B4GALNT2: variants seen among roughly 807,000 people sequenced by gnomAD.
The protein encoded by B4GALNT2 is N-acetylneuraminylgalactosylglucosyl-glucoside beta-1,4-N- acetylgalactosaminyltransferase 2.
Under a neutral mutation model 51.1 loss-of-function variants are expected in B4GALNT2, and 42 were observed. The ratio of observed to expected loss-of-function variants is 0.82; its 90% CI spans 0.64 to 1.06. The LOEUF (loss-of-function observed/expected upper bound fraction) is 1.06, where lower values mean the gene tolerates loss of function less well. Ranked by LOEUF, B4GALNT2 falls within the 50% of genes least tolerant of loss-of-function variation. The pLI, the probability that B4GALNT2 is intolerant of heterozygous loss-of-function variation, is 0.00. For missense variants in B4GALNT2, 602 were observed against 633.6 expected (o/e 0.95, Z 0.54); for synonymous variants, 253 against 251.7 (o/e 1.01, Z -0.05).
chr17:49,158,530 C>G (rs1217735243), intron 5 of B4GALNT2, among the ~76,000 whole-genome samples: 2 of 151,268 alleles, frequency 1.3e-5, no homozygotes, highest in Non-Finnish European at 2.9e-5. Context: ...CCCAGCTACT[C>G]AGGAGGCTGA....
intron 3 of B4GALNT2, among the ~76,000 whole-genome samples, chr17:49,149,694 T>C (rs1160468860): frequency 6.6e-6 from 1 of 152,208 alleles, no homozygotes; most frequent in Non-Finnish European, 1.5e-5. Context: ...TTTCAAACAA[T>C]GCTGAAATGA....
rs982081861 is a variant in B4GALNT2 at position 49,166,049 on chromosome 17, A to G, written c.955-65A>G. 7 of 1,532,828 alleles carry G rather than the reference A, an allele frequency of 4.6e-6. No individual in the cohort carries two copies. The African/African-American group carries it at 5.5e-5, about 12-fold the overall frequency. 95.0% of individuals were successfully genotyped at this position (1,532,828 alleles called of 1,614,324 possible). ...CAGCCTGGCTGTTGGGAATTTAGAA[A>G]GCTCCCCAGGTGATTCTAATATGTA... On this transcript the variant is annotated intron_variant, in intron 8 of 10. Transcript: ENST00000393354.
At chr17:49,158,352 G>A (rs566563755) in intron 5 of B4GALNT2, among the ~76,000 whole-genome samples, 2 of 152,156 alleles carry the variant, frequency 1.3e-5, no homozygotes, top group African/African-American at 4.8e-5. Flanking sequence ...GCAAAAGAAC[G>A]GGTTTTAAAC....
chr17:49,124,865 A>G, the B4GALNT2 span, among the ~76,000 whole-genome samples: 5 of 152,208 alleles, frequency 3.3e-5, no homozygotes, highest in East Asian at 1.9e-4. Context: ...TTAATGCTCA[A>G]TTTACAGAAA....
At chr17:49,158,636 C>CA (rs770885158) in intron 5 of B4GALNT2, among the ~76,000 whole-genome samples, 37,966 of 73,770 alleles carry the variant, frequency 0.51, 9,459 homozygotes, top group East Asian at 0.8. Flanking sequence ...GACTCCATCT[C>CA]AAAAAAAAAA....
rs558393827 is a variant in B4GALNT2 at position 49,171,322 on chromosome 17, A to C, written c.*1594A>C. The C allele has an allele frequency of 2.6e-6, 1 of 386,914 alleles. No homozygotes were observed. Among genetic ancestry groups the C allele is most frequent in the African/African-American group, 2.2e-5 (1 of 45,998 alleles). 24.0% of individuals were successfully genotyped at this position (386,914 alleles called of 1,614,324 possible). A position where few individuals can be genotyped will look rare whatever the true frequency, so the allele number is the denominator to read the frequency against. On this transcript the variant is annotated 3_prime_UTR_variant, in exon 11 of 11. Transcript: ENST00000393354. ...ACAGAGCTTCCAAGTGTCTTTATCCACTTTAATGGGTTAATATCTGCTAAT... is the reference window on the plus strand; with the variant it reads ...ACAGAGCTTCCAAGTGTCTTTATCCCCTTTAATGGGTTAATATCTGCTAAT...
chr17:49,169,802 C>T lies in B4GALNT2; in HGVS notation c.*74C>T. ...ATAGCAGGCCACCAAAAACTGGACT[C>T]CTGATAGGTGAACGTTGTACCAAAC... On this transcript the variant is annotated 3_prime_UTR_variant, in exon 11 of 11. Coordinates refer to ENST00000393354, the MANE Select transcript of B4GALNT2 (RefSeq NM_001159387.2). 8 of 1,367,168 alleles carry T rather than the reference C, an allele frequency of 5.9e-6. No homozygotes were observed. Among genetic ancestry groups the T allele is most frequent in the Non-Finnish European group, 7.8e-6 (8 of 1,021,142 alleles). 84.7% of individuals were successfully genotyped at this position (1,367,168 alleles called of 1,614,324 possible).
intron 3 of B4GALNT2, among the ~76,000 whole-genome samples, chr17:49,144,253 A>G (rs2042671698): frequency 1.3e-5 from 2 of 152,140 alleles, no homozygotes; most frequent in Non-Finnish European, 2.9e-5. Context: ...CCTCCAAACA[A>G]CATATGAATT....
chr17:49,129,804 C>T (rs559546443), upstream of B4GALNT2, among the ~76,000 whole-genome samples: 94 of 152,154 alleles, frequency 6.2e-4, no homozygotes, highest in African/African-American at 2.2e-3. Flanking sequence ...AGGGATTTAT[C>T]TTATGGTTGG....
intron 3 of B4GALNT2, among the ~76,000 whole-genome samples, chr17:49,150,719 C>G (rs867168737): frequency 6.6e-6 from 1 of 150,740 alleles, no homozygotes; most frequent in Admixed American, 6.6e-5. Flanking sequence ...AGATGCTTGA[C>G]GGCAGCATGC....
chr17:49,123,948 A>G, the B4GALNT2 span, among the ~76,000 whole-genome samples: 1 of 152,236 alleles, frequency 6.6e-6, no homozygotes, highest in Non-Finnish European at 1.5e-5. Context: ...GTTACAAAAG[A>G]AAACAGATTC....
chr17:49,167,608 C>CTTTTTT (rs34497598), intron 9 of B4GALNT2, among the ~76,000 whole-genome samples: 1 of 115,068 alleles, frequency 8.7e-6, no homozygotes, highest in African/African-American at 3.5e-5. Context: ...CTCACCTACT[C>CTTTTTT]TTTTTTTTTT....
At chr17:49,121,244 T>G in the B4GALNT2 span, among the ~76,000 whole-genome samples, 1 of 152,102 alleles carries the variant, frequency 6.6e-6, no homozygotes, top group Non-Finnish European at 1.5e-5. Flanking sequence ...TAAGACATGG[T>G]CTCATTTCTC....
rs200075916 is a variant in B4GALNT2, at chr17:49,166,197, C to T, written c.1038C>T (p.Asn346=). The T allele has an allele frequency of 5.3e-5, 85 of 1,614,050 alleles. No individual in the cohort carries two copies. The East Asian group carries it at 1.2e-3, about 22-fold the overall frequency. Residue 346 remains asparagine (N), a synonymous_variant, in exon 9 of 11, where the codon AAC becomes AAT. Coordinates refer to ENST00000393354, the MANE Select transcript of B4GALNT2 (RefSeq NM_001159387.2). ...VLWVDDDFLF[N]EETKIEVLVD... ...GGGTGGACGATGATTTTCTCTTCAACGAGGAGACCAAGATTGAGGTGCTGG... is the reference window on the plus strand; with the variant it reads ...GGGTGGACGATGATTTTCTCTTCAATGAGGAGACCAAGATTGAGGTGCTGG...
chr17:49,141,840 T>C (rs1237868117), intron 2 of B4GALNT2, among the ~76,000 whole-genome samples, 195 bp from the exon 3 acceptor site: 1 of 152,150 alleles, frequency 6.6e-6, no homozygotes, highest in Admixed American at 6.5e-5. Context: ...CCTCTGTCCC[T>C]GCTTCCCTCC....
In B4GALNT2 at chr17:49,136,796, C is replaced by T. The variant is rs183297695; in HGVS notation, c.14+3990C>T. ...TCCTGACCTCAGGTGATCTGCCTGT[C>T]TCGGCCTCCCAAAGTGCTGGGATTA... is the stretch of plus-strand genomic sequence containing the variant. On this transcript the variant is annotated intron_variant, in intron 1 of 10. Coordinates refer to ENST00000393354, the MANE Select transcript of B4GALNT2 (RefSeq NM_001159387.2). Among the ~76,000 whole-genome samples, 3 of 152,196 alleles carry T rather than the reference C, an allele frequency of 2.0e-5. 1 individual carries two copies. The East Asian group carries it at 5.8e-4, about 29-fold the overall frequency.
chr17:49,164,880 G>A (rs1227275031), intron 8 of B4GALNT2, among the ~76,000 whole-genome samples: 1 of 152,080 alleles, frequency 6.6e-6, no homozygotes, highest in African/African-American at 2.4e-5. Flanking sequence ...TGCAATCACA[G>A]TGATCATGGC....
chr17:49,150,068 TC>T (rs138221692), intron 3 of B4GALNT2, among the ~76,000 whole-genome samples: 19,492 of 146,798 alleles, frequency 0.13, 1,829 homozygotes, highest in East Asian at 0.41. Context: ...ATTTTGGAGG[TC>T]GGGGGGGGTC....
At chr17:49,162,404 A>G (rs1482374594) in intron 7 of B4GALNT2, among the ~76,000 whole-genome samples, 2 of 152,156 alleles carry the variant, frequency 1.3e-5, no homozygotes, top group African/African-American at 4.8e-5. Context: ...TTTCACATCA[A>G]AAGGTTTTGG....
Sources: allele counts gnomAD v4.1 joint callset (sites outside exome capture counted in the v4.1 genomes callset), GRCh38; gene constraint gnomAD v4.1.1; transcripts MANE v1.5; gene names NCBI Gene and HGNC (gene_info 2026-07-23, HGNC 2026-07-21).